The following NDUFS4 variants were observed in gnomAD, a reference collection of about 807,000 sequenced individuals.
NDUFS4 encodes NADH dehydrogenase [ubiquinone] iron-sulfur protein 4, mitochondrial.
In NDUFS4, 28 loss-of-function variants were observed where a neutral mutation model predicts 24.3. The observed-to-expected ratio is 1.15, with a 90% CI of 0.85 to 1.58. NDUFS4 has a LOEUF of 1.58. Ranked by LOEUF, NDUFS4 falls within the 40% of genes most tolerant of loss-of-function variation. The pLI is 0.00. For missense variants in NDUFS4, 223 were observed against 207.9 expected, an observed-to-expected ratio of 1.07 and a Z score of -0.45; for synonymous variants, 93 against 69.7, an observed-to-expected ratio of 1.34 and a Z score of -1.67.
At chr5:53,574,940 G>A (rs1431800850) in intron 1 of NDUFS4, among the ~76,000 whole-genome samples, 2 of 152,124 alleles carry the variant, frequency 1.3e-5, no homozygotes, top group East Asian at 3.9e-4. Context: ...AAAGCAATGG[G>A]TGTTGGCCCC....
At chr5:53,563,954 T>C (rs1748939881) in intron 1 of NDUFS4, among the ~76,000 whole-genome samples, 1 of 152,254 alleles carries the variant, frequency 6.6e-6, no homozygotes, top group Non-Finnish European at 1.5e-5. Context: ...GTGATGTTTT[T>C]ATTCACTTAT....
At chr5:53,589,731 G>A (rs1335220727) in intron 1 of NDUFS4, among the ~76,000 whole-genome samples, 1 of 152,152 alleles carries the variant, frequency 6.6e-6, no homozygotes, top group Non-Finnish European at 1.5e-5. Flanking sequence ...AGACCCACCC[G>A]TAATCTGGGT....
chr5:53,645,336 T>TCA (rs1486226790), intron 2 of NDUFS4, among the ~76,000 whole-genome samples: 1 of 152,156 alleles, frequency 6.6e-6, no homozygotes, highest in Non-Finnish European at 1.5e-5. Context: ...ACCTTGGCAA[T>TCA]GGCCTTGAGC....
intron 4 of NDUFS4, among the ~76,000 whole-genome samples, chr5:53,664,178 T>C: frequency 6.6e-6 from 1 of 152,238 alleles, no homozygotes; most frequent in Non-Finnish European, 1.5e-5. Context: ...TTCTGGCTTG[T>C]AGAGCTTTTG....
chr5:53,655,721 G>A (rs1043433832), intron 3 of NDUFS4, among the ~76,000 whole-genome samples: 8 of 152,280 alleles, frequency 5.3e-5, no homozygotes, highest in African/African-American at 1.9e-4. Flanking sequence ...CCAACAGACA[G>A]TTAAATTACT....
chr5:53,661,543 C>T (rs1752343474), intron 4 of NDUFS4, among the ~76,000 whole-genome samples: 1 of 152,090 alleles, frequency 6.6e-6, no homozygotes, highest in Non-Finnish European at 1.5e-5. Context: ...TGAAGAAAGT[C>T]ATTGGTAGCT....
chr5:53,681,652 A>C (rs1740669240), intron 4 of NDUFS4, among the ~76,000 whole-genome samples: 1 of 152,176 alleles, frequency 6.6e-6, no homozygotes, highest in African/African-American at 2.4e-5. Flanking sequence ...TATGTTGAAC[A>C]AGTAAATTAA....
intron 3 of NDUFS4, among the ~76,000 whole-genome samples, chr5:53,655,249 A>G (rs1752129607): frequency 6.6e-6 from 1 of 152,184 alleles, no homozygotes; most frequent in African/African-American, 2.4e-5. Flanking sequence ...ACCCAGATGG[A>G]GAAACAGCAT....
At chr5:53,598,848 G>A (rs369851933) in intron 1 of NDUFS4, among the ~76,000 whole-genome samples, 3 of 151,984 alleles carry the variant, frequency 2.0e-5, no homozygotes, top group African/African-American at 7.2e-5. Flanking sequence ...TGGCTTGTAC[G>A]CTTATAATTA....
At chr5:53,681,234 G>A (rs1057418183) in intron 4 of NDUFS4, among the ~76,000 whole-genome samples, 8 of 152,084 alleles carry the variant, frequency 5.3e-5, no homozygotes. Context: ...TTTAAATCCT[G>A]ATTCTGCCCC....
At chr5:53,561,350 A>C (rs971389472) in intron 1 of NDUFS4, among the ~76,000 whole-genome samples, 3 of 152,118 alleles carry the variant, frequency 2.0e-5, no homozygotes, top group African/African-American at 2.4e-5. Flanking sequence ...GAGGTTTTCT[A>C]GGGATTTTGT....
chr5:53,643,100 T>G (rs984589748), intron 2 of NDUFS4, among the ~76,000 whole-genome samples: 1 of 152,156 alleles, frequency 6.6e-6, no homozygotes, highest in Non-Finnish European at 1.5e-5. Context: ...ATATTACTTA[T>G]AGAGTAGCTT....
intron 1 of NDUFS4, among the ~76,000 whole-genome samples, chr5:53,583,185 T>A (rs1749629560): frequency 6.6e-6 from 1 of 152,128 alleles, no homozygotes; most frequent in African/African-American, 2.4e-5. Context: ...CCTTATATAT[T>A]TTTTTCTTAT....
At chr5:53,668,806 G>A (rs1218264487) in intron 4 of NDUFS4, among the ~76,000 whole-genome samples, 1 of 151,874 alleles carries the variant, frequency 6.6e-6, no homozygotes, top group African/African-American at 2.4e-5. Flanking sequence ...TGAGACTTGG[G>A]TAATAAGTAT....
intron 1 of NDUFS4, among the ~76,000 whole-genome samples, chr5:53,563,287 A>G (rs140456166): frequency 6.6e-6 from 1 of 151,914 alleles, no homozygotes; most frequent in African/African-American, 2.4e-5. Context: ...TGCTACATTA[A>G]CATATTAATT....
intron 1 of NDUFS4, among the ~76,000 whole-genome samples, chr5:53,577,779 C>T (rs1263365658): frequency 6.6e-6 from 1 of 152,044 alleles, no homozygotes. Context: ...GAGATAGTTT[C>T]TTCTATATAA....
chr5:53,630,002 G>T (rs1406250526), intron 2 of NDUFS4, among the ~76,000 whole-genome samples: 2 of 152,130 alleles, frequency 1.3e-5, no homozygotes, highest in Non-Finnish European at 2.9e-5. Flanking sequence ...GCATGTTTTT[G>T]CAGTGTCTGG....
chr5:53,594,052 T>C (rs1750057340), intron 1 of NDUFS4, among the ~76,000 whole-genome samples: 1 of 152,186 alleles, frequency 6.6e-6, no homozygotes, highest in Admixed American at 6.5e-5. Flanking sequence ...ATGCCAGTTA[T>C]ATCCAGTTAA....
intron 1 of NDUFS4, among the ~76,000 whole-genome samples, chr5:53,596,159 G>A (rs1326830778): frequency 1.3e-5 from 2 of 151,938 alleles, no homozygotes; most frequent in East Asian, 1.9e-4. Flanking sequence ...GGCTGGGCTC[G>A]GTGTCTCACA....
Sources: allele counts gnomAD v4.1 joint callset (sites outside exome capture counted in the v4.1 genomes callset), GRCh38; gene constraint gnomAD v4.1.1; transcripts MANE v1.5; gene names NCBI Gene and HGNC (gene_info 2026-07-23, HGNC 2026-07-21).